Variants in ADAM19 observed in about 807,000 individuals in gnomAD.
The protein encoded by ADAM19 is disintegrin and metalloproteinase domain-containing protein 19.
ADAM19 carries 65 observed loss-of-function variants against 114.7 expected under a neutral mutation model. The ratio of observed to expected loss-of-function variants is 0.57; its 90% CI spans 0.46 to 0.70. The LOEUF is 0.70. Ranked by LOEUF, ADAM19 falls within the 30% of genes least tolerant of loss-of-function variation. The probability of loss-of-function intolerance (pLI) is 0.00; values close to 1 mark genes in which losing one functional copy is unlikely to be tolerated. For synonymous variants in ADAM19, 466 were observed against 460.5 expected (o/e 1.01, Z -0.15); for missense variants, 1,063 against 1,204.7 (o/e 0.88, Z 1.74).
intron 5 of ADAM19, 138 bp from the exon 6 acceptor site, chr5:157,520,169 G>T: frequency 1.3e-6 from 1 of 760,330 alleles, no homozygotes; most frequent in Non-Finnish European, 2.1e-6. Flanking sequence ...ATGGGGCCAT[G>T]TACCCCTTCG....
intron 2 of ADAM19, among the ~76,000 whole-genome samples, chr5:157,565,587 T>C (rs374559011): frequency 4.6e-4 from 70 of 152,036 alleles, no homozygotes; most frequent in Middle Eastern, 6.8e-3. Context: ...TGGGCACCTG[T>C]GATCCTAGCT....
chr5:157,491,651 C>A lies in ADAM19; in HGVS notation c.2059G>T (p.Gly687Trp). Residue 687 changes from glycine to tryptophan, a missense_variant, in exon 18 of 23, where the codon GGG (glycine) becomes TGG (tryptophan). Physicochemically the swap from Gly to Trp is radical, Grantham distance 184. Transcript: ENST00000257527. ...APPFCNTPGH[G>W]GSIDSGPMPP... ...ATAGGCCCACTGTCGATACTGCCCC[C>A]GTGGCCCGGTGTGTTGCAGAAGGGC... 1 of 1,558,350 alleles carries A rather than the reference C, an allele frequency of 6.4e-7. No individual in the cohort carries two copies. The highest frequency in any genetic ancestry group is 1.2e-5 in the South Asian group (1 of 81,498).
intron 14 of ADAM19, 69 bp from the exon 15 acceptor site, chr5:157,494,864 G>C: frequency 1.6e-6 from 2 of 1,282,234 alleles, no homozygotes; most frequent in East Asian, 2.3e-5. Context: ...AGGTATCTTT[G>C]GTAAAGTCAT....
chr5:157,498,682 G>GTGTA (rs1239663912), intron 13 of ADAM19, among the ~76,000 whole-genome samples: 106 of 81,094 alleles, frequency 1.3e-3, no homozygotes, highest in African/African-American at 4.4e-3. Flanking sequence ...TTACACATGT[G>GTGTA]TGTATGTATA....
intron 11 of ADAM19, among the ~76,000 whole-genome samples, chr5:157,505,242 C>A (rs1477706581): frequency 6.6e-6 from 1 of 151,996 alleles, no homozygotes. Context: ...TGTGGATGGC[C>A]CTCTTCTTCA....
At chr5:157,560,785 A>G (rs1035099165) in intron 3 of ADAM19, among the ~76,000 whole-genome samples, 14 of 152,230 alleles carry the variant, frequency 9.2e-5, no homozygotes, top group Non-Finnish European at 2.1e-4. Flanking sequence ...TGGGAGGGAA[A>G]CTTTCATTCT....
Position 157,484,420 on chromosome 5 carries a change from C to T in ADAM19, c.2551-2477G>A, listed in dbSNP as rs377161704. Among the ~76,000 whole-genome samples, 21 of 152,116 alleles carry T rather than the reference C, an allele frequency of 1.4e-4. No homozygotes were observed. The East Asian group carries it at 4.1e-3, about 29-fold the overall frequency. On this transcript the variant is annotated intron_variant, in intron 21 of 22. Coordinates refer to ENST00000257527, the MANE Select transcript of ADAM19 (RefSeq NM_033274.5). Reference sequence around the variant, plus strand: ...AGTTGATCCATTGTTTTTTAAGGGGCAAAGAATGACTGTCCCACCCGCAGG... The same window carrying T: ...AGTTGATCCATTGTTTTTTAAGGGGTAAAGAATGACTGTCCCACCCGCAGG...
chr5:157,565,120 G>A (rs1272725674), intron 2 of ADAM19, among the ~76,000 whole-genome samples: 1 of 152,142 alleles, frequency 6.6e-6, no homozygotes, highest in African/African-American at 2.4e-5. Flanking sequence ...TTACACATAA[G>A]CAGTTTGGTA....
chr5:157,551,553 G>GA lies in ADAM19; in HGVS notation c.251+12819dup, dbSNP rs1033551134. 6.6e-5 allele frequency among the ~76,000 whole-genome samples: 10 copies of GA among 151,726 alleles called. No homozygotes were observed. In the East Asian group the frequency reaches 1.7e-3, roughly 26 times the overall value. ...TACCCCACAAGCACAGGCAACCAAA[G>GA]AAAAAATGGACAAATGGGATCACAA... On this transcript the variant is annotated intron_variant, in intron 3 of 22. Transcript: ENST00000257527.
intron 12 of ADAM19, among the ~76,000 whole-genome samples, chr5:157,502,483 G>A (rs1161905269): frequency 1.3e-5 from 2 of 152,194 alleles, no homozygotes; most frequent in African/African-American, 2.4e-5. Context: ...ATTCCGTGCA[G>A]CTGGAGGGCA....
intron 16 of ADAM19, 81 bp from the exon 17 acceptor site, chr5:157,491,993 A>C: frequency 7.2e-7 from 1 of 1,391,398 alleles, no homozygotes; most frequent in Non-Finnish European, 1.0e-6. Flanking sequence ...TTGCACTTGG[A>C]ACATATGAGG....
chr5:157,563,618 G>A (rs1317793550), intron 3 of ADAM19, among the ~76,000 whole-genome samples: 2 of 152,132 alleles, frequency 1.3e-5, no homozygotes, highest in Non-Finnish European at 2.9e-5. Context: ...AAAGTGGGAC[G>A]GTCAGTGGGG....
Position 157,480,892 on chromosome 5 carries a change from T to C in ADAM19, c.*57A>G. 1.2e-6 allele frequency: 2 copies of C among 1,612,486 alleles called. No homozygotes were observed. The highest frequency in any genetic ancestry group is 8.5e-7 in the Non-Finnish European group (1 of 1,179,438). On this transcript the variant is annotated 3_prime_UTR_variant, in exon 23 of 23. Coordinates refer to ENST00000257527, the MANE Select transcript of ADAM19 (RefSeq NM_033274.5). Reference sequence around the variant, plus strand: ...ATGCTTCTTCAGGGTTCCATGGCCATGGGTCCTCTGCAGTGTCCAGAGAGC... The same window carrying C: ...ATGCTTCTTCAGGGTTCCATGGCCACGGGTCCTCTGCAGTGTCCAGAGAGC...
intron 7 of ADAM19, among the ~76,000 whole-genome samples, chr5:157,514,995 C>A (rs1219713747): frequency 6.6e-6 from 1 of 152,212 alleles, no homozygotes; most frequent in East Asian, 1.9e-4. Flanking sequence ...AGAACAAGAA[C>A]AGCCAAGTAA....
chr5:157,533,390 T>A (rs1756676793), intron 4 of ADAM19, among the ~76,000 whole-genome samples: 1 of 152,148 alleles, frequency 6.6e-6, no homozygotes, highest in Non-Finnish European at 1.5e-5. Flanking sequence ...AAAACCCTCC[T>A]CCTGGCCAGG....
chr5:157,501,839 A>G (rs1207353409), intron 12 of ADAM19, among the ~76,000 whole-genome samples: 1 of 152,116 alleles, frequency 6.6e-6, no homozygotes. Flanking sequence ...ATCTGAGGTC[A>G]GGAGTTTGAG....
At chr5:157,499,769 ATC>A in intron 12 of ADAM19, 107 bp from the exon 13 acceptor site, 2 of 539,432 alleles carry the variant, frequency 3.7e-6, no homozygotes, top group East Asian at 3.4e-5. Context: ...TCTAGCAACT[ATC>A]TCTTTTTTTT....
chr5:157,527,494 G>A (rs1229933450), intron 5 of ADAM19, among the ~76,000 whole-genome samples: 2 of 152,200 alleles, frequency 1.3e-5, no homozygotes, highest in African/African-American at 4.8e-5. Context: ...ACAGGCGTAA[G>A]CCACCGCACC....
intron 13 of ADAM19, among the ~76,000 whole-genome samples, chr5:157,497,320 G>A (rs375054618): frequency 1.3e-5 from 2 of 152,272 alleles, no homozygotes; most frequent in East Asian, 3.9e-4. Context: ...CTTCATAGAA[G>A]TCTTAAGAAA....
Sources: gnomAD v4.1 joint callset for allele counts (sites outside exome capture counted in the v4.1 genomes callset) on GRCh38, gnomAD v4.1.1 for gene constraint, MANE v1.5 for transcripts, NCBI Gene and HGNC (gene_info 2026-07-23, HGNC 2026-07-21) for gene names.